The following LAMA3 variants were observed in gnomAD, a reference collection of about 807,000 sequenced individuals.
The protein encoded by LAMA3 is laminin subunit alpha 3, also known as laminin subunit alpha-3.
A neutral mutation model predicts 402.0 loss-of-function variants in LAMA3; 281 were observed. That is an observed-to-expected ratio of 0.70 (90% CI 0.63 to 0.77). The LOEUF (loss-of-function observed/expected upper bound fraction) is 0.77, where lower values mean the gene tolerates loss of function less well. Among genes scored for constraint, LAMA3 ranks in the 30% least tolerant of loss-of-function variants. LAMA3 has a pLI of 0.00. For synonymous variants in LAMA3, 1,431 were observed against 1,558.4 expected, an observed-to-expected ratio of 0.92 and a Z score of 1.93; for missense variants, 3,840 against 4,215.5, an observed-to-expected ratio of 0.91 and a Z score of 2.47.
chr18:23,743,830 C>A (rs1598700418), intron 2 of LAMA3, among the ~76,000 whole-genome samples: 1 of 152,332 alleles, frequency 6.6e-6, no homozygotes, highest in African/African-American at 2.4e-5. Context: ...TTATCTCTGA[C>A]CCCCAAATAC....
intron 1 of LAMA3, among the ~76,000 whole-genome samples, chr18:23,713,094 A>T (rs2061027043): frequency 6.6e-6 from 1 of 152,234 alleles, no homozygotes; most frequent in Non-Finnish European, 1.5e-5. Context: ...TTCAATAAGA[A>T]GTTAGAGATT....
chr18:23,847,523 C>T lies in LAMA3; in HGVS notation c.3991C>T (p.Arg1331Cys), dbSNP rs373918034. 2.7e-5 allele frequency: 44 copies of T among 1,613,892 alleles called. No homozygotes were observed. Among genetic ancestry groups the T allele is most frequent in the East Asian group, 2.7e-4 (12 of 44,884 alleles). Reference sequence around the variant, plus strand: ...GACGGGGCAGTGCCGCTGCCCTCCCCGCACGGTCAGGCCCCAGTGTGAGGT... The same window carrying T: ...GACGGGGCAGTGCCGCTGCCCTCCCTGCACGGTCAGGCCCCAGTGTGAGGT... ...EMTGQCRCPPRTVRPQCEVCE... is the reference protein window; with the variant it reads ...EMTGQCRCPPCTVRPQCEVCE... The change falls in exon 32 of 75, where the codon CGC (arginine) becomes TGC (cysteine). Residue 1331 changes from arginine (R) to cysteine (C), a missense_variant. Around this residue, in one of 3 missense-constraint regions of LAMA3, gnomAD observed 2,109 missense variants for 2,376.0 expected, o/e 0.89. Transcript: ENST00000313654.
chr18:23,899,591 C>A, intron 47 of LAMA3, 136 bp downstream of exon 47: 1 of 925,486 alleles, frequency 1.1e-6, no homozygotes, highest in Non-Finnish European at 1.7e-6. Flanking sequence ...TAGAGCATCA[C>A]GTGGTGAAAA....
At chr18:23,843,012 C>T (rs1402199793) in intron 29 of LAMA3, among the ~76,000 whole-genome samples, 1 of 152,220 alleles carries the variant, frequency 6.6e-6, no homozygotes, top group Non-Finnish European at 1.5e-5. Context: ...TGACCAGTCT[C>T]TGGAGCATTT....
chr18:23,833,581 G>T (rs1488734416), intron 23 of LAMA3, among the ~76,000 whole-genome samples: 1 of 152,158 alleles, frequency 6.6e-6, no homozygotes, highest in African/African-American at 2.4e-5. Context: ...GAAAATACGG[G>T]ATGCCCCATT....
chr18:23,935,805 G>C (rs183798943), intron 67 of LAMA3, among the ~76,000 whole-genome samples: 3 of 152,256 alleles, frequency 2.0e-5, no homozygotes, highest in African/African-American at 4.8e-5. Flanking sequence ...AAACCTAAAT[G>C]AAAGGGCATA....
In LAMA3 at chr18:23,822,240, G is replaced by A. The variant is rs896638223; in HGVS notation, c.2305-12G>A. On this transcript the variant is annotated splice_polypyrimidine_tract_variant and intron_variant, in intron 19 of 74. Transcript: ENST00000313654. ...TTTTTTCTATGCTTTATGGCGTTTCGGTATTTTTCAGAATGATGTAAGAAT... is the reference window on the plus strand; with the variant it reads ...TTTTTTCTATGCTTTATGGCGTTTCAGTATTTTTCAGAATGATGTAAGAAT... 3.7e-6 allele frequency: 6 copies of A among 1,613,644 alleles called. No individual in the cohort carries two copies. Among genetic ancestry groups the A allele is most frequent in the Admixed American group, 1.7e-5 (1 of 59,984 alleles).
intron 1 of LAMA3, among the ~76,000 whole-genome samples, chr18:23,704,903 C>CT (rs1232721873): frequency 2.6e-5 from 4 of 152,126 alleles, no homozygotes; most frequent in Admixed American, 1.3e-4. Flanking sequence ...GGAGAGACTA[C>CT]TTTTTTCCAT....
intron 61 of LAMA3, 28 bp from the exon 62 acceptor site, chr18:23,921,424 T>C (rs1274655796): frequency 6.2e-7 from 1 of 1,609,892 alleles, no homozygotes; most frequent in South Asian, 1.1e-5. Flanking sequence ...TTTCGCTGGC[T>C]TGCTGATTCA....
At chr18:23,859,781 T>G (rs2064171214) in intron 34 of LAMA3, among the ~76,000 whole-genome samples, 1 of 152,174 alleles carries the variant, frequency 6.6e-6, no homozygotes, top group East Asian at 1.9e-4. Context: ...GTAGGCATGA[T>G]TGATTAAATC....
At chr18:23,690,074 T>A in intron 1 of LAMA3, 97 bp downstream of exon 1, 1 of 819,854 alleles carries the variant, frequency 1.2e-6, no homozygotes, top group Non-Finnish European at 1.7e-6. Flanking sequence ...TCACGCGCGC[T>A]AGTGGCTCCG....
chr18:23,882,625 A>AG (rs1168427780), intron 40 of LAMA3, among the ~76,000 whole-genome samples: 13 of 150,178 alleles, frequency 8.7e-5, no homozygotes. Context: ...AAAAAAAAAA[A>AG]GAAAACAAAC....
At chr18:23,712,595 G>C (rs965602361) in intron 1 of LAMA3, among the ~76,000 whole-genome samples, 2 of 149,678 alleles carry the variant, frequency 1.3e-5, no homozygotes, top group South Asian at 4.4e-4. Context: ...TACACCCAAG[G>C]CACTGCTTCT....
At chr18:23,903,601 C>T (rs1035755953) in intron 49 of LAMA3, among the ~76,000 whole-genome samples, 4 of 152,142 alleles carry the variant, frequency 2.6e-5, no homozygotes, top group Admixed American at 2.6e-4. Flanking sequence ...GTGTGCTGCA[C>T]CCAGTAACTC....
chr18:23,747,839 T>C (rs1035717818), intron 2 of LAMA3, 104 bp from the exon 3 acceptor site: 8 of 767,248 alleles, frequency 1.0e-5, no homozygotes, highest in Admixed American at 5.4e-5. Flanking sequence ...GAGCAAGGGA[T>C]TGTGGTGGGA....
At chr18:23,720,043 T>G (rs914413505) in intron 2 of LAMA3, among the ~76,000 whole-genome samples, 1 of 152,234 alleles carries the variant, frequency 6.6e-6, no homozygotes, top group African/African-American at 2.4e-5. Flanking sequence ...TCCAACATCT[T>G]GCACAGTGTT....
Position 23,784,072 on chromosome 18 carries a change from C to T in LAMA3, c.1518C>T (p.His506=), listed in dbSNP as rs763022923. The T allele has an allele frequency of 8.7e-6, 14 of 1,614,084 alleles. No homozygotes were observed. Among genetic ancestry groups the T allele is most frequent in the Admixed American group, 5.0e-5 (3 of 60,028 alleles). Residue 506 remains histidine, a synonymous_variant, in exon 12 of 75, where the codon CAC becomes CAT. Transcript: ENST00000313654. ...TTCTCCCTGAAATATGTGATGCCCA[C>T]GGACGGTGCCTGTGCCGCCCTGGGG... ...EGVLPEICDA[H]GRCLCRPGVE...
At chr18:23,933,540 A>G (rs2082226126) in intron 66 of LAMA3, among the ~76,000 whole-genome samples, 1 of 152,212 alleles carries the variant, frequency 6.6e-6, no homozygotes, top group Non-Finnish European at 1.5e-5. Context: ...TGTTGGGAAC[A>G]TTCCAAATCT....
chr18:23,895,353 G>A (rs117350742), intron 44 of LAMA3, among the ~76,000 whole-genome samples: 30 of 152,236 alleles, frequency 2.0e-4, no homozygotes, highest in Non-Finnish European at 3.4e-4. Context: ...GTGTTAAGTT[G>A]GTATTAACTC....
Sources: gnomAD v4.1 joint callset for allele counts (sites outside exome capture counted in the v4.1 genomes callset) on GRCh38, gnomAD v4.1.1 for gene constraint, gnomAD v4.1.1 regional missense constraint, MANE v1.5 for transcripts, NCBI Gene and HGNC (gene_info 2026-07-23, HGNC 2026-07-21) for gene names.